Variants in MYH3 observed in about 807,000 individuals in gnomAD.
MYH3 encodes myosin heavy chain 3, also known as myosin-3.
A neutral mutation model predicts 238.0 loss-of-function variants in MYH3; 130 were observed. The ratio of observed to expected loss-of-function variants is 0.55; its 90% CI spans 0.47 to 0.63. MYH3 has a LOEUF of 0.63. MYH3 is among the 30% of genes least tolerant of loss of function. The pLI, the probability that MYH3 is intolerant of heterozygous loss-of-function variation, is 0.00. For missense variants in MYH3, 1,853 were observed against 2,374.9 expected (o/e 0.78, Z 4.57); for synonymous variants, 880 against 924.1 (o/e 0.95, Z 0.86).
At position 10,642,597 on chromosome 17, in the gene MYH3, C is replaced by T. The variant is rs1186863404; in HGVS notation, c.1708G>A (p.Val570Ile). The stretch of plus-strand genomic sequence containing the variant: ...AAGTGAGCCTCGGCCCTGCCTTTGA[C>T]CACCTTGGGCTTCTGGAAGTTGTTG... ...KSNNFQKPKV[V>I]KGRAEAHFSL... The change falls in exon 16 of 41, where the codon GTC becomes ATC. Residue 570 changes from valine to isoleucine, a missense_variant. Physicochemically the swap from Val to Ile is conservative, Grantham distance 29. Coordinates refer to ENST00000583535, the MANE Select transcript of MYH3 (RefSeq NM_002470.4). This position sits in a 1 kb window ranked among gnomAD's most constrained non-coding sequence, Gnocchi z 5.4. The T allele has an allele frequency of 6.2e-7, 1 of 1,614,222 alleles. No individual in the cohort carries two copies. Among genetic ancestry groups the T allele is most frequent in the Admixed American group, 1.7e-5 (1 of 60,034 alleles).
At chr17:10,644,270 T>C in intron 14 of MYH3, 81 bp downstream of exon 14, 1 of 1,450,624 alleles carries the variant, frequency 6.9e-7, no homozygotes, top group Non-Finnish European at 9.7e-7. Context: ...AGCCGCCATC[T>C]TGCTATCTTC....
chr17:10,652,905 G>A (rs914991583), intron 3 of MYH3, among the ~76,000 whole-genome samples: 1 of 151,988 alleles, frequency 6.6e-6, no homozygotes, highest in Non-Finnish European at 1.5e-5. Flanking sequence ...ACAGGTGTGA[G>A]GCACCGTGCC....
chr17:10,645,152 C>T (rs752938479), intron 12 of MYH3, among the ~76,000 whole-genome samples: 10 of 151,934 alleles, frequency 6.6e-5, no homozygotes, highest in East Asian at 2.0e-4. Flanking sequence ...ACTCTCATGC[C>T]GGCAGGGCAC....
intron 28 of MYH3, 72 bp downstream of exon 28, chr17:10,637,737 T>G: frequency 2.5e-6 from 4 of 1,604,132 alleles, no homozygotes; most frequent in South Asian, 1.1e-5. Flanking sequence ...CACCCTGCCC[T>G]TGGTTTTGGC....
chr17:10,650,529 T>A (rs1431536060), intron 5 of MYH3, 128 bp from the exon 6 acceptor site: 1 of 812,098 alleles, frequency 1.2e-6, no homozygotes, highest in Non-Finnish European at 2.1e-6. Flanking sequence ...GTTTAGCCTT[T>A]AGGTGGGAAT....
At chr17:10,633,790 T>A in intron 32 of MYH3, 75 bp from the exon 33 acceptor site, 1 of 1,588,458 alleles carries the variant, frequency 6.3e-7, no homozygotes, top group Non-Finnish European at 8.6e-7. Flanking sequence ...ATTGACTCAA[T>A]GCTTTTTACC....
Position 10,632,661 on chromosome 17 carries a change from A to G in MYH3, c.4771T>C (p.Tyr1591His), listed in dbSNP as rs1334651002. Reference sequence around the variant, plus strand: ...TGCATGGTTTCCACTGTTCTCTGGTAGTTCCTCTTCAGCTGCTCGATCTCT... The same window carrying G: ...TGCATGGTTTCCACTGTTCTCTGGTGGTTCCTCTTCAGCTGCTCGATCTCT... Reference protein sequence around the residue: ...DEEIEQLKRNYQRTVETMQSA... With the variant: ...DEEIEQLKRNHQRTVETMQSA... Residue 1591 changes from tyrosine to histidine, a missense_variant, in exon 34 of 41, where the codon TAC becomes CAC. Tyr to His is a moderately conservative substitution (Grantham distance 83). Around this residue, in one of 3 missense-constraint regions of MYH3, gnomAD observed 1,044 missense variants for 1,192.6 expected, o/e 0.88. Coordinates refer to ENST00000583535, the MANE Select transcript of MYH3 (RefSeq NM_002470.4). 12 of 1,613,916 alleles carry G rather than the reference A, an allele frequency of 7.4e-6. No homozygotes were observed. The highest frequency in any genetic ancestry group is 1.0e-5 in the Non-Finnish European group (12 of 1,179,954).
intron 23 of MYH3, 30 bp from the exon 24 acceptor site, chr17:10,639,504 T>A: frequency 6.2e-7 from 1 of 1,614,094 alleles, no homozygotes; most frequent in Non-Finnish European, 8.5e-7. Flanking sequence ...AATTATAAGC[T>A]TAAAGTTTAG....
chr17:10,634,761 G>C (rs2074197152), intron 31 of MYH3, 79 bp downstream of exon 31: 20 of 1,566,660 alleles, frequency 1.3e-5, no homozygotes, highest in South Asian at 5.6e-5. Flanking sequence ...GTCAGGTCCG[G>C]GATGCATTCT....
chr17:10,661,703 G>A (rs1006293486), upstream of MYH3, among the ~76,000 whole-genome samples: 13 of 152,242 alleles, frequency 8.5e-5, no homozygotes, highest in East Asian at 1.5e-3. Flanking sequence ...TCCTGAGAAC[G>A]GATGCTGGGG....
chr17:10,637,745 G>C (rs1249326461), intron 28 of MYH3, 64 bp downstream of exon 28: 11 of 1,609,272 alleles, frequency 6.8e-6, no homozygotes, highest in Non-Finnish European at 8.5e-7. Context: ...CCTTGGTTTT[G>C]GCCAGCTACG....
chr17:10,673,466 G>C, the MYH3 span: 1 of 152,232 alleles, frequency 6.6e-6, no homozygotes, highest in Admixed American at 6.5e-5. Context: ...CCATACAAAG[G>C]CCTGCCCTGC....
upstream of MYH3, among the ~76,000 whole-genome samples, chr17:10,659,950 G>A (rs1050420692): frequency 1.3e-5 from 2 of 152,216 alleles, no homozygotes; most frequent in Admixed American, 1.3e-4. Flanking sequence ...CACAAAGTCT[G>A]GTCATTTGGA....
chr17:10,651,803 G>A (rs2142423945), intron 4 of MYH3, 135 bp from the exon 5 acceptor site: 2 of 1,265,290 alleles, frequency 1.6e-6, no homozygotes, highest in Non-Finnish European at 2.1e-6. Context: ...GAGTGCAGTG[G>A]CACGATCTTG....
At chr17:10,652,980 G>T (rs2074393322) in intron 3 of MYH3, among the ~76,000 whole-genome samples, 1 of 152,072 alleles carries the variant, frequency 6.6e-6, no homozygotes, top group South Asian at 2.1e-4. Context: ...GAGCCGAGAT[G>T]GAAGGGCCAA....
intron 30 of MYH3, 122 bp from the exon 31 acceptor site, chr17:10,635,145 A>G: frequency 7.5e-7 from 1 of 1,333,636 alleles, no homozygotes; most frequent in Non-Finnish European, 1.0e-6. Context: ...TTATACGCCC[A>G]GGAGAATTTC....
intron 3 of MYH3, among the ~76,000 whole-genome samples, chr17:10,652,913 G>C (rs547177757): frequency 6.6e-6 from 1 of 152,036 alleles, no homozygotes; most frequent in East Asian, 1.9e-4. Flanking sequence ...GAGGCACCGT[G>C]CCTGGCCTGT....
At chr17:10,663,880 T>C in the MYH3 span, among the ~76,000 whole-genome samples, 1 of 151,704 alleles carries the variant, frequency 6.6e-6, no homozygotes, top group Non-Finnish European at 1.5e-5. Flanking sequence ...GTGACCAACA[T>C]GGTGAAATGC....
chr17:10,633,459 C>A, intron 33 of MYH3, 132 bp downstream of exon 33: 1 of 1,113,610 alleles, frequency 9.0e-7, no homozygotes, highest in Non-Finnish European at 1.3e-6. Flanking sequence ...TGCTGTGTGA[C>A]GGGAAAGCAG....
Sources: allele counts gnomAD v4.1 joint callset (sites outside exome capture counted in the v4.1 genomes callset), GRCh38; gene constraint gnomAD v4.1.1; regional missense constraint gnomAD v4.1.1; non-coding constraint Gnocchi (gnomAD v3.1); transcripts MANE v1.5; gene names NCBI Gene and HGNC (gene_info 2026-07-23, HGNC 2026-07-21).